The following F8 variants were observed in gnomAD, a reference collection of about 807,000 sequenced individuals.
F8 encodes antihemophilic factor.
In F8, 12 loss-of-function variants were observed where a neutral mutation model predicts 140.6. That is an observed-to-expected ratio of 0.09 (90% CI 0.05 to 0.14). The LOEUF is 0.14. F8 is among the 10% of genes least tolerant of loss of function. F8 has a pLI of 1.00. For synonymous variants in F8, 585 were observed against 614.6 expected, an observed-to-expected ratio of 0.95 and a Z score of 0.71; for missense variants, 1,354 against 1,720.7, an observed-to-expected ratio of 0.79 and a Z score of 3.77.
intron 16 of F8, 35 bp from the exon 17 acceptor site, chrX:154,904,559 G>A (rs1557276179): frequency 3.6e-6 from 4 of 1,116,240 alleles, no homozygotes; most frequent in Non-Finnish European, 4.9e-6. Flanking sequence ...ATGAGTATAA[G>A]CTCTCTCACC....
At chrX:154,890,697 C>G (rs1557275124) in intron 22 of F8, among the ~76,000 whole-genome samples, 1 of 112,140 alleles carries the variant, frequency 8.9e-6, no homozygotes, top group Non-Finnish European at 1.9e-5. Flanking sequence ...GACATTAACT[C>G]AAGGCAACAC....
At chrX:154,985,712 T>C (rs1052167855) in intron 5 of F8, among the ~76,000 whole-genome samples, 35 of 112,351 alleles carry the variant, frequency 3.1e-4, no homozygotes, top group African/African-American at 1.1e-3. Flanking sequence ...AAACACATAT[T>C]TATTGAGCAC....
chrX:154,919,726 T>C, intron 14 of F8: 1 of 345,403 alleles, frequency 2.9e-6, no homozygotes, highest in Non-Finnish European at 5.0e-6. Flanking sequence ...GGCTCTCTAT[T>C]ACTGAAGCAC....
chrX:154,886,262 G>C lies in F8; in HGVS notation c.6429+9815C>G. 6 of 694,778 alleles carry C rather than the reference G, an allele frequency of 8.6e-6. 2 individuals carry two copies. The highest frequency in any genetic ancestry group is 1.1e-5 in the Non-Finnish European group (6 of 544,439). The allele number at this position is 694,778 out of a possible 1,213,427, so 57.3% of individuals were successfully genotyped here. A position where few individuals can be genotyped will look rare whatever the true frequency, so the allele number is the denominator to read the frequency against. On this transcript the variant is annotated intron_variant, in intron 22 of 25. Coordinates refer to ENST00000360256, the MANE Select transcript of F8 (RefSeq NM_000132.4). Reference sequence around the variant, plus strand: ...GGGCAAGGGGCAGGCTCGGGCTGGGGAGCCGGCGCGGGCACGGCGGCAGCC... The same window carrying C: ...GGGCAAGGGGCAGGCTCGGGCTGGGCAGCCGGCGCGGGCACGGCGGCAGCC...
intron 25 of F8, among the ~76,000 whole-genome samples, chrX:154,849,845 T>C (rs1407683842): frequency 9.0e-6 from 1 of 111,107 alleles, no homozygotes; most frequent in African/African-American, 3.3e-5. Flanking sequence ...TATTACTTAC[T>C]GGCTATCCTA....
intron 22 of F8, among the ~76,000 whole-genome samples, chrX:154,880,148 A>T (rs2072849463): frequency 8.9e-6 from 1 of 112,330 alleles, no homozygotes; most frequent in Non-Finnish European, 1.9e-5. Flanking sequence ...AATTTAAAAC[A>T]TCTGTTCAAA....
chrX:154,998,739 C>A (rs1418622085), intron 2 of F8, among the ~76,000 whole-genome samples: 3 of 112,022 alleles, frequency 2.7e-5, no homozygotes, highest in Admixed American at 9.5e-5. Flanking sequence ...CATTCAGTGA[C>A]CTTCCTGGCC....
chrX:154,952,743 T>C (rs975761452), intron 12 of F8, among the ~76,000 whole-genome samples: 2 of 110,111 alleles, frequency 1.8e-5, no homozygotes, highest in Non-Finnish European at 3.8e-5. Flanking sequence ...GGGGTTTCAC[T>C]ATGTTAGCCA....
intron 14 of F8, among the ~76,000 whole-genome samples, chrX:154,917,524 G>A (rs375898192): frequency 2.8e-4 from 31 of 111,779 alleles, no homozygotes; most frequent in African/African-American, 9.7e-4. Context: ...ATTTCTTTGA[G>A]CTTTTTATTC....
chrX:154,987,387 A>C, intron 4 of F8, 82 bp from the exon 5 acceptor site: 2 of 846,785 alleles, frequency 2.4e-6, no homozygotes, highest in Non-Finnish European at 3.5e-6. Flanking sequence ...ACAGTTCTTC[A>C]TCAGTTACTT....
At chrX:154,972,665 T>G (rs2073462559) in intron 6 of F8, among the ~76,000 whole-genome samples, 1 of 109,101 alleles carries the variant, frequency 9.2e-6, no homozygotes, top group Admixed American at 9.8e-5. Context: ...GTCTTAAATT[T>G]AATTCCTTAA....
At chrX:154,861,121 A>T (rs2072687685) in intron 24 of F8, among the ~76,000 whole-genome samples, 1 of 109,826 alleles carries the variant, frequency 9.1e-6, no homozygotes, top group Non-Finnish European at 1.9e-5. Flanking sequence ...CAATAGCATG[A>T]TCTCAGCTCA....
intron 21 of F8, among the ~76,000 whole-genome samples, chrX:154,896,538 TAC>T (rs1186497648): frequency 1.0e-5 from 1 of 98,183 alleles, no homozygotes; most frequent in Non-Finnish European, 2.1e-5. Context: ...CACACACACA[TAC>T]ACACAAACAC....
chrX:155,007,329 G>A (rs1296858041), intron 1 of F8, among the ~76,000 whole-genome samples: 1 of 112,678 alleles, frequency 8.9e-6, no homozygotes, highest in East Asian at 2.8e-4. Flanking sequence ...GGCAAGACAT[G>A]AGCTAAGTGG....
At chrX:154,950,905 T>C (rs782645656) in intron 12 of F8, among the ~76,000 whole-genome samples, 28 of 112,603 alleles carry the variant, frequency 2.5e-4, no homozygotes, top group African/African-American at 8.4e-4. Context: ...ACAGTTTGAT[T>C]GTAACGTGTC....
chrX:154,924,652 C>G (rs782136920), intron 14 of F8, among the ~76,000 whole-genome samples: 3 of 112,328 alleles, frequency 2.7e-5, no homozygotes, highest in Non-Finnish European at 5.6e-5. Context: ...CCCTTCTGCA[C>G]TGCCCTAGCA....
At chrX:154,906,753 T>C (rs782136585) in intron 14 of F8, among the ~76,000 whole-genome samples, 180 bp from the exon 15 acceptor site, 1 of 112,421 alleles carries the variant, frequency 8.9e-6, no homozygotes, top group Admixed American at 9.4e-5. Context: ...TGGGGTTTTG[T>C]CTGTTTTGTT....
intron 22 of F8, among the ~76,000 whole-genome samples, chrX:154,877,510 T>C (rs1355357487): frequency 9.0e-6 from 1 of 111,632 alleles, no homozygotes; most frequent in Non-Finnish European, 1.9e-5. Flanking sequence ...TCTTTTTTTT[T>C]GAGAGGGAGT....
At chrX:154,917,307 T>C (rs946447077) in intron 14 of F8, among the ~76,000 whole-genome samples, 2 of 111,727 alleles carry the variant, frequency 1.8e-5, no homozygotes, top group Non-Finnish European at 3.8e-5. Flanking sequence ...CCAGAGTATA[T>C]TCCCGGATGA....
Sources: allele counts gnomAD v4.1 joint callset (sites outside exome capture counted in the v4.1 genomes callset), GRCh38; gene constraint gnomAD v4.1.1; transcripts MANE v1.5; gene names NCBI Gene and HGNC (gene_info 2026-07-23, HGNC 2026-07-21).